STS: variants seen among roughly 807,000 people sequenced by gnomAD.
The protein encoded by STS is steroid sulfatase, also known as steryl-sulfatase.
In STS, 7 loss-of-function variants were observed where a neutral mutation model predicts 26.8. That is an observed-to-expected ratio of 0.26 (90% CI 0.15 to 0.49). STS has a LOEUF of 0.49. Among genes scored for constraint, STS ranks in the 20% least tolerant of loss-of-function variants. The probability of loss-of-function intolerance (pLI) is 0.98; values close to 1 mark genes in which losing one functional copy is unlikely to be tolerated. For synonymous variants in STS, 199 were observed against 189.4 expected (o/e 1.05, Z -0.42); for missense variants, 434 against 465.6 (o/e 0.93, Z 0.63).
intron 2 of STS, among the ~76,000 whole-genome samples, chrX:7,213,810 G>A (rs987379917): frequency 9.0e-6 from 1 of 110,899 alleles, no homozygotes; most frequent in African/African-American, 3.3e-5. Flanking sequence ...GGCTGGCGGT[G>A]GTGGCTCACA....
At chrX:7,268,498 G>A (rs1189007531) in intron 6 of STS, among the ~76,000 whole-genome samples, 1 of 111,922 alleles carries the variant, frequency 8.9e-6, no homozygotes, top group Non-Finnish European at 1.9e-5. Context: ...TTCGATAAGA[G>A]TGTAAGCCAG....
chrX:7,286,896 TACTC>T (rs762667656), intron 7 of STS, among the ~76,000 whole-genome samples: 1 of 112,215 alleles, frequency 8.9e-6, no homozygotes, highest in Non-Finnish European at 1.9e-5. Context: ...CTAGGGTTCT[TACTC>T]CTTTTCATTA....
At chrX:7,224,976 A>C (rs2147053430) in intron 2 of STS, among the ~76,000 whole-genome samples, 1 of 112,033 alleles carries the variant, frequency 8.9e-6, no homozygotes, top group Non-Finnish European at 1.9e-5. Flanking sequence ...CCAGTGGGCT[A>C]TGGAAGATGT....
intron 1 of STS, among the ~76,000 whole-genome samples, chrX:7,169,418 A>G (rs1352252772): frequency 2.7e-5 from 3 of 112,384 alleles, no homozygotes; most frequent in Non-Finnish European, 3.8e-5. Context: ...ATAATATTCT[A>G]TTGTGTGGAT....
intron 1 of STS, among the ~76,000 whole-genome samples, chrX:7,174,557 G>A (rs1435413247): frequency 8.9e-6 from 1 of 111,889 alleles, no homozygotes; most frequent in African/African-American, 3.3e-5. Flanking sequence ...ACAATTGCAT[G>A]GAAGTGCTCA....
chrX:7,298,261 T>A (rs1353034030), intron 7 of STS, among the ~76,000 whole-genome samples: 1 of 111,863 alleles, frequency 8.9e-6, no homozygotes, highest in African/African-American at 3.2e-5. Context: ...CCTTTTTATT[T>A]TGGTCCTATA....
chrX:7,218,237 G>T (rs1221789936), intron 2 of STS, among the ~76,000 whole-genome samples: 2 of 112,349 alleles, frequency 1.8e-5, no homozygotes, highest in African/African-American at 6.5e-5. Context: ...ATTTTTAATT[G>T]CCAAGGAAAA....
At chrX:7,234,501 G>A in intron 2 of STS, among the ~76,000 whole-genome samples, 1 of 112,180 alleles carries the variant, frequency 8.9e-6, no homozygotes, top group Non-Finnish European at 1.9e-5. Flanking sequence ...GGGTGGTGGA[G>A]CTGTAGGGCT....
chrX:7,325,635 CA>C (rs1321517254), intron 9 of STS, 137 bp downstream of exon 9: 2 of 716,279 alleles, frequency 2.8e-6, no homozygotes, highest in Non-Finnish European at 4.4e-6. Flanking sequence ...AGGTTTGAGG[CA>C]GGTCAATTAA....
At chrX:7,336,239 G>GCGGGGC (rs1928017511) in intron 10 of STS, among the ~76,000 whole-genome samples, 4 of 88,750 alleles carry the variant, frequency 4.5e-5, no homozygotes, top group Admixed American at 1.3e-4. Flanking sequence ...ACCTAGGACT[G>GCGGGGC]CCCCCCCCAC....
At chrX:7,186,459 G>A (rs1168695530) in intron 1 of STS, among the ~76,000 whole-genome samples, 5 of 111,306 alleles carry the variant, frequency 4.5e-5, no homozygotes, top group Non-Finnish European at 5.7e-5. Flanking sequence ...TTAGCAAGAC[G>A]GGGTCTAGTG....
chrX:7,298,383 G>T (rs772664096), intron 7 of STS, among the ~76,000 whole-genome samples: 22 of 111,812 alleles, frequency 2.0e-4, no homozygotes, highest in African/African-American at 7.1e-4. Flanking sequence ...GGATGGAGGA[G>T]ATCAGGACTA....
At chrX:7,270,824 G>C (rs1463354339) in intron 6 of STS, among the ~76,000 whole-genome samples, 1 of 111,855 alleles carries the variant, frequency 8.9e-6, no homozygotes, top group Admixed American at 9.5e-5. Context: ...TCAGGTCTTT[G>C]ACTCAACTGT....
chrX:7,222,219 G>T (rs193012698), intron 2 of STS, among the ~76,000 whole-genome samples: 1 of 111,833 alleles, frequency 8.9e-6, no homozygotes, highest in African/African-American at 3.3e-5. Flanking sequence ...AAGCCACTTC[G>T]TCTATCGTAC....
At chrX:7,309,797 G>T (rs191696672) in intron 8 of STS, among the ~76,000 whole-genome samples, 2 of 111,463 alleles carry the variant, frequency 1.8e-5, no homozygotes, top group Admixed American at 9.6e-5. Context: ...AAATGACTTT[G>T]CAGTATGATT....
At chrX:7,156,322 CTT>C (rs1933134805) in intron 1 of STS, among the ~76,000 whole-genome samples, 1 of 110,042 alleles carries the variant, frequency 9.1e-6, no homozygotes, top group Non-Finnish European at 1.9e-5. Flanking sequence ...TTTTAACAAT[CTT>C]CAGGTGAAAG....
intron 2 of STS, among the ~76,000 whole-genome samples, chrX:7,202,951 GCTCTCTATCCACGTCCCTGTCTCTCT>G (rs1375140692): frequency 9.2e-6 from 1 of 108,689 alleles, no homozygotes; most frequent in African/African-American, 3.4e-5. Flanking sequence ...TCTGTCTCTC[GCTCTCTATCCACGTCCCTGTCTCTCT>G]GTGTCTCTCT....
intron 10 of STS, among the ~76,000 whole-genome samples, chrX:7,338,122 C>A (rs1402226365): frequency 8.9e-6 from 1 of 111,885 alleles, no homozygotes; most frequent in Non-Finnish European, 1.9e-5. Flanking sequence ...ACTTTTCTTG[C>A]ACTAAAATAA....
intron 2 of STS, among the ~76,000 whole-genome samples, chrX:7,234,390 C>T: frequency 8.9e-6 from 1 of 112,496 alleles, no homozygotes; most frequent in Non-Finnish European, 1.9e-5. Flanking sequence ...ATCATTTCCT[C>T]CTAAGTCCAG....
Sources: gnomAD v4.1 joint callset for allele counts (sites outside exome capture counted in the v4.1 genomes callset) on GRCh38, gnomAD v4.1.1 for gene constraint, MANE v1.5 for transcripts, NCBI Gene and HGNC (gene_info 2026-07-23, HGNC 2026-07-21) for gene names.